SLC35F4: variants seen among roughly 807,000 people sequenced by gnomAD.
SLC35F4 encodes chromosome 14 open reading frame 36.
A neutral mutation model predicts 44.2 loss-of-function variants in SLC35F4; 24 were observed. The observed-to-expected ratio is 0.54, with a 90% confidence interval of 0.39 to 0.76. SLC35F4 has a LOEUF of 0.76. Ranked by LOEUF, SLC35F4 falls within the 30% of genes least tolerant of loss-of-function variation. The pLI is 0.00. For synonymous variants in SLC35F4, 238 were observed against 223.6 expected (o/e 1.06, Z -0.57); for missense variants, 562 against 586.1 (o/e 0.96, Z 0.42).
At chr14:57,923,038 A>C (rs966485686) in intron 1 of SLC35F4, among the ~76,000 whole-genome samples, 1 of 152,222 alleles carries the variant, frequency 6.6e-6, no homozygotes, top group African/African-American at 2.4e-5. Flanking sequence ...GAGCTATGGT[A>C]GGTGCCGTTG....
intron 1 of SLC35F4, among the ~76,000 whole-genome samples, chr14:57,877,231 C>T (rs1888417095): frequency 1.3e-5 from 2 of 152,134 alleles, no homozygotes; most frequent in South Asian, 4.1e-4. Context: ...CAGTATTTAG[C>T]TCCCATTTGT....
chr14:57,580,862 A>G, intron 4 of SLC35F4: 1 of 177,590 alleles, frequency 5.6e-6, no homozygotes, highest in South Asian at 1.5e-4. Flanking sequence ...AAAAATGCAA[A>G]CCATAATCTT....
At chr14:57,912,289 TG>T (rs1889229920) in intron 1 of SLC35F4, among the ~76,000 whole-genome samples, 1 of 151,936 alleles carries the variant, frequency 6.6e-6, no homozygotes, top group East Asian at 1.9e-4. Flanking sequence ...TCTTTTCTCC[TG>T]CTTACTTTGG....
chr14:57,579,904 TGAAAA>T (rs897729886), intron 4 of SLC35F4, among the ~76,000 whole-genome samples: 5 of 152,138 alleles, frequency 3.3e-5, no homozygotes, highest in Non-Finnish European at 5.9e-5. Flanking sequence ...TAGCAGATCT[TGAAAA>T]GAACAGTGGA....
At chr14:57,951,344 C>A (rs1890136446) in intron 1 of SLC35F4, among the ~76,000 whole-genome samples, 1 of 152,148 alleles carries the variant, frequency 6.6e-6, no homozygotes, top group South Asian at 2.1e-4. Flanking sequence ...ACGTTTCAAG[C>A]ACAAAACTGG....
At chr14:57,717,651 C>T (rs979724124) in intron 1 of SLC35F4, among the ~76,000 whole-genome samples, 1 of 152,262 alleles carries the variant, frequency 6.6e-6, no homozygotes, top group Admixed American at 6.5e-5. Flanking sequence ...AAGAGTTTTT[C>T]CTTCACATCA....
chr14:57,837,737 G>A (rs1374316567), intron 1 of SLC35F4: 1 of 152,092 alleles, frequency 6.6e-6, no homozygotes, highest in Non-Finnish European at 1.5e-5. Context: ...CCCTAGAAAG[G>A]GGCTTTTGTG....
intron 1 of SLC35F4, among the ~76,000 whole-genome samples, chr14:57,810,269 C>A (rs771740142): frequency 2.0e-5 from 3 of 152,172 alleles, no homozygotes; most frequent in Non-Finnish European, 4.4e-5. Context: ...CTGTGTCCCA[C>A]CCAGGGTTGA....
intron 1 of SLC35F4, among the ~76,000 whole-genome samples, chr14:57,824,278 C>T (rs928392877): frequency 2.0e-5 from 3 of 152,064 alleles, no homozygotes; most frequent in African/African-American, 4.8e-5. Context: ...AGTATTTAAT[C>T]GACAAATGCT....
Position 57,811,534 on chromosome 14 carries a change from A to G in SLC35F4, c.103+54189T>C, listed in dbSNP as rs556260929. Among the ~76,000 whole-genome samples the G allele has an allele frequency of 8.5e-5, 13 of 152,348 alleles. No homozygotes were observed. In the South Asian group the frequency reaches 2.7e-3, roughly 32 times the overall value. ...TATTCTGCAGGTGTTTTCAGTTTGT[A>G]AAGTGCTTTTAGCTTTTAAAGCACC... On this transcript the variant is annotated intron_variant, in intron 1 of 7. Transcript: ENST00000556826.
At chr14:57,938,067 C>A (rs995318298) in intron 1 of SLC35F4, among the ~76,000 whole-genome samples, 1 of 152,078 alleles carries the variant, frequency 6.6e-6, no homozygotes, top group Non-Finnish European at 1.5e-5. Context: ...TTTGTTATTG[C>A]ACAGCAAGAA....
chr14:57,759,695 T>C (rs979962813), intron 1 of SLC35F4, among the ~76,000 whole-genome samples: 1 of 152,214 alleles, frequency 6.6e-6, no homozygotes, highest in Non-Finnish European at 1.5e-5. Flanking sequence ...TTGCCAACAC[T>C]TATCTTTTGT....
intron 1 of SLC35F4, among the ~76,000 whole-genome samples, chr14:57,949,008 T>C (rs1338449054): frequency 6.6e-6 from 1 of 152,144 alleles, no homozygotes; most frequent in East Asian, 1.9e-4. Flanking sequence ...ATGTATATTC[T>C]GAAGTTACAG....
chr14:57,699,396 C>T (rs143397390), intron 1 of SLC35F4, among the ~76,000 whole-genome samples: 1 of 152,146 alleles, frequency 6.6e-6, no homozygotes, highest in Non-Finnish European at 1.5e-5. Flanking sequence ...CATTTCCCCA[C>T]GTGAATAGCA....
chr14:57,906,677 G>C (rs1889108698), intron 1 of SLC35F4, among the ~76,000 whole-genome samples: 1 of 152,124 alleles, frequency 6.6e-6, no homozygotes, highest in Admixed American at 6.5e-5. Context: ...TTTGCATGCA[G>C]GTATCTTACA....
chr14:57,571,531 AC>A (rs1172953797), intron 5 of SLC35F4, among the ~76,000 whole-genome samples: 1 of 152,210 alleles, frequency 6.6e-6, no homozygotes, highest in African/African-American at 2.4e-5. Context: ...TCCTGCTATA[AC>A]TGCCTGATAA....
At chr14:57,577,191 G>A (rs2068850340) in intron 4 of SLC35F4, among the ~76,000 whole-genome samples, 1 of 152,180 alleles carries the variant, frequency 6.6e-6, no homozygotes, top group South Asian at 2.1e-4. Flanking sequence ...TAGCAGCTCA[G>A]CTCCAATGTA....
intron 1 of SLC35F4, among the ~76,000 whole-genome samples, chr14:57,924,630 G>C (rs1194738365): frequency 1.3e-5 from 2 of 151,908 alleles, no homozygotes; most frequent in African/African-American, 4.8e-5. Context: ...TGTATTTTTA[G>C]TAGAGACAGG....
intron 1 of SLC35F4, among the ~76,000 whole-genome samples, chr14:57,932,198 TTTG>T (rs1227890213): frequency 6.6e-6 from 1 of 152,198 alleles, no homozygotes; most frequent in Non-Finnish European, 1.5e-5. Context: ...TGGAGTGGTT[TTTG>T]TTGTTATTTT....
Sources: gnomAD v4.1 joint callset for allele counts (sites outside exome capture counted in the v4.1 genomes callset) on GRCh38, gnomAD v4.1.1 for gene constraint, MANE v1.5 for transcripts, NCBI Gene and HGNC (gene_info 2026-07-23, HGNC 2026-07-21) for gene names.